HMGCLL1: variants seen among roughly 807,000 people sequenced by gnomAD.
The protein encoded by HMGCLL1 is 3-hydroxy-3-methylglutaryl-CoA lyase like 1.
HMGCLL1 carries 36 observed loss-of-function variants against 39.1 expected under a neutral mutation model. The observed-to-expected ratio is 0.92, with a 90% CI of 0.71 to 1.22. The LOEUF is 1.22. HMGCLL1 is among the 50% of genes most tolerant of loss of function. HMGCLL1 has a pLI of 0.00. For missense variants in HMGCLL1, 451 were observed against 416.5 expected, an observed-to-expected ratio of 1.08 and a Z score of -0.72; for synonymous variants, 149 against 144.0, an observed-to-expected ratio of 1.03 and a Z score of -0.25.
upstream of HMGCLL1, among the ~76,000 whole-genome samples, chr6:55,584,191 G>T (rs1772030534): frequency 6.6e-6 from 1 of 152,060 alleles, no homozygotes; most frequent in African/African-American, 2.4e-5. Flanking sequence ...TCCACGATAA[G>T]CTCCATATTT....
the HMGCLL1 span, among the ~76,000 whole-genome samples, chr6:55,589,187 C>G: frequency 6.6e-6 from 1 of 152,182 alleles, no homozygotes; most frequent in African/African-American, 2.4e-5. Flanking sequence ...TCCAGCAACA[C>G]ATCAAAAACT....
chr6:55,580,873 G>T (rs558906389), upstream of HMGCLL1, among the ~76,000 whole-genome samples: 1 of 152,194 alleles, frequency 6.6e-6, no homozygotes, highest in Admixed American at 6.5e-5. Context: ...TCTATTAGCT[G>T]TACCAGCAGA....
At chr6:55,580,707 G>A (rs1036928288), upstream of HMGCLL1, among the ~76,000 whole-genome samples, 1 of 152,052 alleles carries the variant, frequency 6.6e-6, no homozygotes, top group Non-Finnish European at 1.5e-5. Context: ...CAGCCACCGC[G>A]CCCAGCCGGA....
chr6:55,534,674 T>C (rs959743462), intron 3 of HMGCLL1, among the ~76,000 whole-genome samples: 1 of 152,174 alleles, frequency 6.6e-6, no homozygotes, highest in African/African-American at 2.4e-5. Flanking sequence ...GTCTATCTCA[T>C]TGTGAGTACC....
intron 7 of HMGCLL1, among the ~76,000 whole-genome samples, chr6:55,490,647 A>G (rs1766261762): frequency 6.6e-6 from 1 of 152,122 alleles, no homozygotes; most frequent in African/African-American, 2.4e-5. Flanking sequence ...TAGAATCAGA[A>G]CTTTTATATG....
chr6:55,607,341 A>G, the HMGCLL1 span, among the ~76,000 whole-genome samples: 6 of 152,352 alleles, frequency 3.9e-5, no homozygotes, highest in South Asian at 1.2e-3. Context: ...CAATATTTAT[A>G]GGAGAATGCT....
chr6:55,580,809 G>A (rs1180895366), upstream of HMGCLL1, among the ~76,000 whole-genome samples: 1 of 152,046 alleles, frequency 6.6e-6, no homozygotes, highest in Admixed American at 6.6e-5. Flanking sequence ...CAAAACTCCG[G>A]TTGTTATTTA....
intron 7 of HMGCLL1, among the ~76,000 whole-genome samples, chr6:55,463,011 A>G (rs1467775420): frequency 4.1e-5 from 6 of 147,138 alleles, no homozygotes; most frequent in East Asian, 2.0e-4. Context: ...GTTGAGTCCA[A>G]TCTTTTCTTT....
chr6:55,672,832 A>G, the HMGCLL1 span, among the ~76,000 whole-genome samples: 1 of 151,974 alleles, frequency 6.6e-6, no homozygotes, highest in Non-Finnish European at 1.5e-5. Flanking sequence ...TGTGTGAAGT[A>G]AAATGGTTGA....
At chr6:55,598,434 A>G in the HMGCLL1 span, among the ~76,000 whole-genome samples, 1 of 152,178 alleles carries the variant, frequency 6.6e-6, no homozygotes, top group African/African-American at 2.4e-5. Flanking sequence ...TAGACAACAC[A>G]CAGACTGCGT....
chr6:55,475,153 C>T (rs1437152222), intron 7 of HMGCLL1, among the ~76,000 whole-genome samples: 1 of 151,498 alleles, frequency 6.6e-6, no homozygotes, highest in Non-Finnish European at 1.5e-5. Context: ...ATGATGAATA[C>T]CCTTTCCCCA....
intron 5 of HMGCLL1, among the ~76,000 whole-genome samples, chr6:55,506,176 G>C (rs549418742): frequency 4.0e-5 from 6 of 151,680 alleles, no homozygotes; most frequent in African/African-American, 1.2e-4. Context: ...GCTCAGACCC[G>C]GGAAGCCAGA....
At chr6:55,476,140 A>C (rs576965187) in intron 7 of HMGCLL1, among the ~76,000 whole-genome samples, 13 of 151,770 alleles carry the variant, frequency 8.6e-5, no homozygotes, top group African/African-American at 3.1e-4. Flanking sequence ...CTGAGCTTGC[A>C]TTGAATCTAT....
At chr6:55,567,219 C>G (rs1771262258) in intron 1 of HMGCLL1, among the ~76,000 whole-genome samples, 1 of 151,548 alleles carries the variant, frequency 6.6e-6, no homozygotes, top group South Asian at 2.1e-4. Context: ...GTGAAGGATA[C>G]AAAAGAAATA....
chr6:55,503,541 A>G (rs920215165), intron 5 of HMGCLL1, among the ~76,000 whole-genome samples: 37 of 81,856 alleles, frequency 4.5e-4, no homozygotes, highest in Middle Eastern at 0.011. Context: ...GTGTGTAATG[A>G]GAATGAAAAA....
intron 3 of HMGCLL1, among the ~76,000 whole-genome samples, chr6:55,539,916 A>AAGAAAG (rs1554153995): frequency 1.6e-5 from 2 of 128,220 alleles, no homozygotes; most frequent in East Asian, 4.7e-4. Flanking sequence ...GAAAGAAAGA[A>AAGAAAG]AGAAAAGGAG....
At chr6:55,650,128 TATATATACACAC>T in the HMGCLL1 span, among the ~76,000 whole-genome samples, 64 of 53,684 alleles carry the variant, frequency 1.2e-3, no homozygotes, top group East Asian at 0.022. Flanking sequence ...TATATATATA[TATATATACACAC>T]ACACACACAT....
At chr6:55,497,086 G>A (rs935209909) in intron 6 of HMGCLL1, among the ~76,000 whole-genome samples, 8 of 152,062 alleles carry the variant, frequency 5.3e-5, no homozygotes, top group Admixed American at 6.6e-5. Flanking sequence ...TCTTTAAGCT[G>A]AATAATGTTA....
At chr6:55,655,969 T>A in the HMGCLL1 span, among the ~76,000 whole-genome samples, 1 of 151,994 alleles carries the variant, frequency 6.6e-6, no homozygotes, top group African/African-American at 2.4e-5. Context: ...GATCATTTCT[T>A]CTTAATCTCC....
Sources: gnomAD v4.1 joint callset for allele counts (sites outside exome capture counted in the v4.1 genomes callset) on GRCh38, gnomAD v4.1.1 for gene constraint, MANE v1.5 for transcripts, NCBI Gene and HGNC (gene_info 2026-07-23, HGNC 2026-07-21) for gene names.